SLC5A12: variants seen among roughly 807,000 people sequenced by gnomAD.
The protein encoded by SLC5A12 is solute carrier family 5 member 12.
SLC5A12 carries 46 observed loss-of-function variants against 72.7 expected under a neutral mutation model. The ratio of observed to expected loss-of-function variants is 0.63; its 90% CI spans 0.50 to 0.81. The LOEUF (loss-of-function observed/expected upper bound fraction) is 0.81, where lower values mean the gene tolerates loss of function less well. Ranked by LOEUF, SLC5A12 falls within the 30% of genes least tolerant of loss-of-function variation. The probability of loss-of-function intolerance (pLI) is 0.00; values close to 1 mark genes in which losing one functional copy is unlikely to be tolerated. For missense variants in SLC5A12, 683 were observed against 740.7 expected (o/e 0.92, Z 0.90); for synonymous variants, 275 against 264.4 (o/e 1.04, Z -0.39).
intron 4 of SLC5A12, among the ~76,000 whole-genome samples, chr11:26,708,732 A>G (rs1855149851): frequency 6.6e-6 from 1 of 152,092 alleles, no homozygotes; most frequent in Non-Finnish European, 1.5e-5. Flanking sequence ...TAAACTATAT[A>G]TAATTGTATT....
rs1392207625 is a variant in SLC5A12 at position 26,667,048 on chromosome 11, T to C, written c.*4054A>G. 1 of 151,886 alleles carries C rather than the reference T, an allele frequency of 6.6e-6. No individual in the cohort carries two copies. The highest frequency in any genetic ancestry group is 1.5e-5 in the Non-Finnish European group (1 of 67,838). The allele number at this position is 151,886 out of a possible 1,614,324, so 9.4% of individuals were successfully genotyped here. On this transcript the variant is annotated 3_prime_UTR_variant, in exon 15 of 15. Coordinates refer to ENST00000396005, the MANE Select transcript of SLC5A12 (RefSeq NM_178498.4). Reference sequence around the variant, plus strand: ...ACTATCAATGACGAGTTACATTTTATTAGTTTATAAATTTGTATCATTTTC... The same window carrying C: ...ACTATCAATGACGAGTTACATTTTACTAGTTTATAAATTTGTATCATTTTC...
At chr11:26,706,272 T>A (rs112138522) in intron 4 of SLC5A12, among the ~76,000 whole-genome samples, 1 of 151,968 alleles carries the variant, frequency 6.6e-6, no homozygotes, top group Non-Finnish European at 1.5e-5. Flanking sequence ...GAAAGATTTT[T>A]ACACCAGGCT....
intron 1 of SLC5A12, among the ~76,000 whole-genome samples, chr11:26,716,654 G>C (rs76353663): frequency 0.013 from 1,912 of 152,040 alleles, 37 homozygotes; most frequent in African/African-American, 0.044. Context: ...AGGTTGGTTC[G>C]AGCCCAAATA....
At chr11:26,688,024 C>T (rs879801203) in intron 9 of SLC5A12, among the ~76,000 whole-genome samples, 2 of 152,152 alleles carry the variant, frequency 1.3e-5, no homozygotes, top group African/African-American at 2.4e-5. Context: ...CCAATGGTTA[C>T]CTGTTCAAAT....
chr11:26,690,497 G>A (rs1479235281), intron 9 of SLC5A12, among the ~76,000 whole-genome samples: 1 of 151,484 alleles, frequency 6.6e-6, no homozygotes, highest in Admixed American at 6.6e-5. Flanking sequence ...ATAATGCTGG[G>A]AAAGTGAACT....
At position 26,722,030 on chromosome 11, in the gene SLC5A12, T is replaced by C. The variant is rs993931805; in HGVS notation, c.-316A>G. ...GCCACAGAGAAGGAATTCAGATGTG[T>C]TCTGAAATTAATAACCACTGGGGGT... On this transcript the variant is annotated 5_prime_UTR_variant, in exon 1 of 15. Transcript: ENST00000396005. The C allele has an allele frequency of 3.4e-6, 1 of 296,336 alleles. No individual in the cohort carries two copies. Among genetic ancestry groups the C allele is most frequent in the African/African-American group, 2.2e-5 (1 of 46,206 alleles). The allele number at this position is 296,336 out of a possible 1,614,324, so 18.4% of individuals were successfully genotyped here.
At chr11:26,722,419 C>A (rs1031309539), upstream of SLC5A12, among the ~76,000 whole-genome samples, 1 of 152,166 alleles carries the variant, frequency 6.6e-6, no homozygotes, top group Admixed American at 6.5e-5. Context: ...TAAGACCTTA[C>A]AAGGTCTTTA....
At position 26,698,535 on chromosome 11, in the gene SLC5A12, A is replaced by G. The variant is rs754199065; in HGVS notation, c.822T>C (p.Leu274=). Residue 274 remains leucine (L), a splice_region_variant and synonymous_variant, in exon 7 of 15, where the codon CTT becomes CTC. Coordinates refer to ENST00000396005, the MANE Select transcript of SLC5A12 (RefSeq NM_178498.4). ...ISCKTEKHAK[L]ALYFNLLGLW... is the part of the protein sequence containing the mutation. The stretch of plus-strand genomic sequence containing the variant: ...GACCCAGCAAGTTAAAATACAAGGC[A>G]CTAGAAAAGAGCACATGGGCCTATT... 8 of 1,613,852 alleles carry G rather than the reference A, an allele frequency of 5.0e-6. No individual in the cohort carries two copies. In the Admixed American group the frequency reaches 1.2e-4, roughly 24 times the overall value.
chr11:26,696,285 G>T (rs1854810727), intron 8 of SLC5A12, among the ~76,000 whole-genome samples: 1 of 152,088 alleles, frequency 6.6e-6, no homozygotes, highest in African/African-American at 2.4e-5. Flanking sequence ...TATAATATAA[G>T]CCTTCTAAAA....
chr11:26,721,259 T>A (rs984361381), intron 1 of SLC5A12, 117 bp downstream of exon 1: 16 of 783,968 alleles, frequency 2.0e-5, no homozygotes, highest in Middle Eastern at 6.9e-4. Context: ...AACATTTTAA[T>A]GTCTTTCTCA....
chr11:26,674,924 G>A (rs1854231652), intron 13 of SLC5A12, among the ~76,000 whole-genome samples: 1 of 152,096 alleles, frequency 6.6e-6, no homozygotes, highest in Non-Finnish European at 1.5e-5. Flanking sequence ...TCATGGATGA[G>A]GAAATGGTGA....
intron 4 of SLC5A12, among the ~76,000 whole-genome samples, chr11:26,705,431 T>C (rs1022223781): frequency 1.3e-5 from 2 of 152,128 alleles, no homozygotes; most frequent in African/African-American, 4.8e-5. Flanking sequence ...AATTATCATC[T>C]CTGGTTACTC....
At chr11:26,705,922 T>TCA (rs1382981104) in intron 4 of SLC5A12, among the ~76,000 whole-genome samples, 4 of 104,244 alleles carry the variant, frequency 3.8e-5, no homozygotes, top group African/African-American at 1.4e-4. Flanking sequence ...CTTTTCTCTG[T>TCA]CATACACACA....
rs1353084248 is a variant in SLC5A12, at chr11:26,669,627, A to C, written c.*1475T>G. 1 of 151,538 alleles carries C rather than the reference A, an allele frequency of 6.6e-6. No individual in the cohort carries two copies. Among genetic ancestry groups the C allele is most frequent in the Non-Finnish European group, 1.5e-5 (1 of 67,868 alleles). 9.4% of individuals were successfully genotyped at this position (151,538 alleles called of 1,614,324 possible). A position where few individuals can be genotyped will look rare whatever the true frequency, so the allele number is the denominator to read the frequency against. On this transcript the variant is annotated 3_prime_UTR_variant, in exon 15 of 15. Transcript: ENST00000396005. The stretch of plus-strand genomic sequence containing the variant: ...GATTGGGCTCTGTTTTATAAACTCC[A>C]GTTTCTCTGTTTTAATTCCTCCACT...
chr11:26,718,338 A>G (rs922429457), intron 1 of SLC5A12, among the ~76,000 whole-genome samples: 1 of 152,194 alleles, frequency 6.6e-6, no homozygotes, highest in Non-Finnish European at 1.5e-5. Flanking sequence ...TATTACCACT[A>G]TTTTACACAT....
intron 14 of SLC5A12, among the ~76,000 whole-genome samples, chr11:26,671,899 C>T (rs1247330756): frequency 6.6e-6 from 1 of 152,166 alleles, no homozygotes; most frequent in African/African-American, 2.4e-5. Flanking sequence ...TAACCAGCTG[C>T]CTTCTCAGCA....
chr11:26,698,848 C>A (rs1854891158), intron 6 of SLC5A12, among the ~76,000 whole-genome samples: 1 of 152,032 alleles, frequency 6.6e-6, no homozygotes, highest in African/African-American at 2.4e-5. Context: ...TTTCACATAC[C>A]AATCACTCAT....
intron 1 of SLC5A12, among the ~76,000 whole-genome samples, chr11:26,714,318 A>T (rs1855298899): frequency 6.6e-6 from 1 of 152,136 alleles, no homozygotes; most frequent in Non-Finnish European, 1.5e-5. Context: ...TCTGACACAA[A>T]ATGATAAGCA....
At chr11:26,718,880 T>C (rs1386345353) in intron 1 of SLC5A12, among the ~76,000 whole-genome samples, 2 of 152,150 alleles carry the variant, frequency 1.3e-5, no homozygotes, top group Non-Finnish European at 2.9e-5. Context: ...CTTTACACAC[T>C]CTGGATTACT....
Sources: gnomAD v4.1 joint callset for allele counts (sites outside exome capture counted in the v4.1 genomes callset) on GRCh38, gnomAD v4.1.1 for gene constraint, MANE v1.5 for transcripts, NCBI Gene and HGNC (gene_info 2026-07-23, HGNC 2026-07-21) for gene names.